Variants in JAM2 observed in about 807,000 individuals in gnomAD.
JAM2 encodes junctional adhesion molecule B.
In JAM2, 17 loss-of-function variants were observed where a neutral mutation model predicts 42.0. The ratio of observed to expected loss-of-function variants is 0.40; its 90% CI spans 0.28 to 0.61. The LOEUF is 0.61. Among genes scored for constraint, JAM2 ranks in the 20% least tolerant of loss-of-function variants. The probability of loss-of-function intolerance (pLI) is 0.37; values close to 1 mark genes in which losing one functional copy is unlikely to be tolerated. For synonymous variants in JAM2, 118 were observed against 128.6 expected (o/e 0.92, Z 0.56); for missense variants, 319 against 358.3 (o/e 0.89, Z 0.89).
chr21:25,695,513 C>T (rs139560110), intron 4 of JAM2, among the ~76,000 whole-genome samples: 1 of 151,572 alleles, frequency 6.6e-6, no homozygotes, highest in South Asian at 2.1e-4. Context: ...ACGGGGCGGC[C>T]GCGGGGCAGA....
At chr21:25,702,849 T>G (rs112046096) in intron 6 of JAM2, among the ~76,000 whole-genome samples, 3 of 152,252 alleles carry the variant, frequency 2.0e-5, no homozygotes, top group African/African-American at 7.2e-5. Flanking sequence ...TGTTGTTGTT[T>G]TGTTTTTGTT....
intron 1 of JAM2, chr21:25,644,355 T>TC (rs960025381): frequency 1.8e-4 from 28 of 152,412 alleles, no homozygotes; most frequent in African/African-American, 6.5e-4. Context: ...AATCAAGGTA[T>TC]CAGCATGAAG....
At position 25,706,061 on chromosome 21, in the gene JAM2, T is replaced by C. The variant is rs776311723; in HGVS notation, c.780T>C (p.Tyr260=). 1 of 1,612,964 alleles carries C rather than the reference T, an allele frequency of 6.2e-7. No individual in the cohort carries two copies. Among genetic ancestry groups the C allele is most frequent in the Non-Finnish European group, 8.5e-7 (1 of 1,178,904 alleles). The change falls in exon 7 of 10, where the codon TAT becomes TAC. Residue 260 remains tyrosine, a synonymous_variant. Transcript: ENST00000480456. The stretch of plus-strand genomic sequence containing the variant: ...CCGTTTGTGGCCTTGGTGTATGCTA[T>C]GCTCAGAGGAAAGGCTACTTTTCAA... The part of the protein sequence containing the change: ...VISVCGLGVC[Y]AQRKGYFSKE...
chr21:25,693,197 G>A (rs898407847), intron 3 of JAM2, among the ~76,000 whole-genome samples: 6 of 151,802 alleles, frequency 4.0e-5, no homozygotes, highest in African/African-American at 1.2e-4. Flanking sequence ...AAGTTAGCCA[G>A]TAAACTAAAA....
At chr21:25,685,941 A>G (rs1169503944) in intron 2 of JAM2, among the ~76,000 whole-genome samples, 3 of 152,250 alleles carry the variant, frequency 2.0e-5, no homozygotes, top group Non-Finnish European at 4.4e-5. Flanking sequence ...ATCCTCTCCC[A>G]TCATATCTGA....
intron 1 of JAM2, among the ~76,000 whole-genome samples, chr21:25,659,294 C>A (rs578186122): frequency 6.7e-6 from 1 of 149,626 alleles, no homozygotes; most frequent in African/African-American, 2.5e-5. Flanking sequence ...AAAAGAATAA[C>A]ATTAATATTG....
chr21:25,653,032 C>G (rs1272866180), intron 1 of JAM2, among the ~76,000 whole-genome samples: 9 of 152,260 alleles, frequency 5.9e-5, no homozygotes, highest in African/African-American at 2.2e-4. Context: ...TCCTTGTGGC[C>G]TAGGGAAAAG....
intron 1 of JAM2, among the ~76,000 whole-genome samples, chr21:25,660,976 G>A (rs2033073132): frequency 6.7e-6 from 1 of 150,120 alleles, no homozygotes; most frequent in Non-Finnish European, 1.5e-5. Context: ...TGTACTTTTA[G>A]TAGAGACAGG....
chr21:25,679,930 C>T (rs762096311), intron 1 of JAM2, among the ~76,000 whole-genome samples: 26 of 152,256 alleles, frequency 1.7e-4, no homozygotes, highest in Admixed American at 7.8e-4. Flanking sequence ...CAAATGCCAC[C>T]GCTTACTTCT....
rs114913256 is a variant in JAM2, at chr21:25,681,388, T to C, written c.68-2495T>C. Among the ~76,000 whole-genome samples, 1,127 of 152,100 alleles carry C rather than the reference T, an allele frequency of 7.4e-3. 10 individuals carry two copies. The highest frequency in any genetic ancestry group is 0.023 in the African/African-American group (966 of 41,478). ...CAATCGTGGCAGAAGGGGAAGCAAA[T>C]ACATCCTTTTTCACATGGCAGCAGC... On this transcript the variant is annotated intron_variant, in intron 1 of 9. Transcript: ENST00000480456.
chr21:25,659,101 G>A (rs977168768), intron 1 of JAM2, among the ~76,000 whole-genome samples: 3 of 152,106 alleles, frequency 2.0e-5, no homozygotes, highest in Non-Finnish European at 4.4e-5. Context: ...AATATTTCAT[G>A]TTCTGAAAAT....
intron 1 of JAM2, among the ~76,000 whole-genome samples, chr21:25,661,982 T>C (rs938823738): frequency 1.1e-4 from 16 of 152,206 alleles, no homozygotes; most frequent in Non-Finnish European, 1.8e-4. Context: ...TGTGTTTCAT[T>C]AAAATCTATT....
chr21:25,691,500 G>T (rs1449375374), intron 3 of JAM2, among the ~76,000 whole-genome samples: 1 of 152,140 alleles, frequency 6.6e-6, no homozygotes, highest in Non-Finnish European at 1.5e-5. Context: ...GGGACTACAG[G>T]TGCAAGCCAC....
chr21:25,675,521 A>C (rs978774088), intron 1 of JAM2, among the ~76,000 whole-genome samples: 1 of 145,694 alleles, frequency 6.9e-6, no homozygotes, highest in East Asian at 2.1e-4. Context: ...GAGAGGAGAG[A>C]GAGAGAAAGA....
intron 2 of JAM2, among the ~76,000 whole-genome samples, chr21:25,687,905 A>G (rs2033785387): frequency 6.6e-6 from 1 of 152,210 alleles, no homozygotes; most frequent in Non-Finnish European, 1.5e-5. Context: ...TTTTGTCTTC[A>G]TAACCCTCAT....
At chr21:25,662,416 C>T (rs1219208657) in intron 1 of JAM2, among the ~76,000 whole-genome samples, 1 of 126,814 alleles carries the variant, frequency 7.9e-6, no homozygotes, top group East Asian at 2.3e-4. Flanking sequence ...TCCCAGAGTG[C>T]TAGGATTACA....
In JAM2 at chr21:25,689,851, T is replaced by C. The variant is rs758586205; in HGVS notation, c.134-15T>C. The C allele has an allele frequency of 1.4e-5, 21 of 1,506,824 alleles. No homozygotes were observed. Among genetic ancestry groups the C allele is most frequent in the Non-Finnish European group, 1.9e-5 (21 of 1,086,240 alleles). 93.3% of individuals were successfully genotyped at this position (1,506,824 alleles called of 1,614,324 possible). A position where few individuals can be genotyped will look rare whatever the true frequency, so the allele number is the denominator to read the frequency against. On this transcript the variant is annotated splice_polypyrimidine_tract_variant and intron_variant, in intron 2 of 9. Transcript: ENST00000480456. ...GGGACAATTAGAAAACAAGTATTTTTATTGTTGTTCCTAGAGGCTATTTTA... is the reference window on the plus strand; with the variant it reads ...GGGACAATTAGAAAACAAGTATTTTCATTGTTGTTCCTAGAGGCTATTTTA...
chr21:25,689,019 G>T lies in JAM2; in HGVS notation c.134-847G>T, dbSNP rs79860653. On this transcript the variant is annotated intron_variant, in intron 2 of 9. Coordinates refer to ENST00000480456, the MANE Select transcript of JAM2 (RefSeq NM_021219.4). ...TTCCCAGACTGGCACTGGGTTTTTT[G>T]TTTTTTTTTTTTTCTCTCAGACATC... 1.9e-3 allele frequency among the ~76,000 whole-genome samples: 270 copies of T among 142,980 alleles called. 1 individual carries two copies. The highest frequency in any genetic ancestry group is 5.2e-3 in the African/African-American group (204 of 39,210). 93.8% of individuals were successfully genotyped at this position (142,980 alleles called of 152,430 possible).
In JAM2 at chr21:25,688,243, GGT is replaced by G. The variant is rs147927864; in HGVS notation, c.134-1596_134-1595del. Among the ~76,000 whole-genome samples, 1,177 of 149,602 alleles carry G rather than the reference GGT, an allele frequency of 7.9e-3. 9 individuals carry two copies. Among genetic ancestry groups the G allele is most frequent in the Non-Finnish European group, 0.01 (694 of 67,272 alleles). On this transcript the variant is annotated intron_variant, in intron 2 of 9. Transcript: ENST00000480456. ...AAATTAGGAAGAATTCACCAGGAGGGGTGTGTGTGTGTGTGTGTGTGTGTGTG... is the reference window on the plus strand; with the variant it reads ...AAATTAGGAAGAATTCACCAGGAGGGGTGTGTGTGTGTGTGTGTGTGTGTG...
Sources: gnomAD v4.1 joint callset for allele counts (sites outside exome capture counted in the v4.1 genomes callset) on GRCh38, gnomAD v4.1.1 for gene constraint, MANE v1.5 for transcripts, NCBI Gene and HGNC (gene_info 2026-07-23, HGNC 2026-07-21) for gene names.